PIK3C2B: variants seen among roughly 807,000 people sequenced by gnomAD.
PIK3C2B encodes phosphatidylinositol 4-phosphate 3-kinase C2 domain-containing subunit beta.
Under a neutral mutation model 184.3 loss-of-function variants are expected in PIK3C2B, and 83 were observed. The observed-to-expected ratio is 0.45, with a 90% CI of 0.38 to 0.54. The LOEUF is 0.54. PIK3C2B is among the 20% of genes least tolerant of loss of function. PIK3C2B has a pLI of 0.00. For synonymous variants in PIK3C2B, 779 were observed against 837.6 expected (o/e 0.93, Z 1.21); for missense variants, 1,736 against 2,113.5 (o/e 0.82, Z 3.50).
chr1:204,468,321 A>G (rs575544941), intron 2 of PIK3C2B, among the ~76,000 whole-genome samples: 5 of 152,232 alleles, frequency 3.3e-5, no homozygotes, highest in Non-Finnish European at 7.3e-5. Flanking sequence ...GAGAGAGGCC[A>G]GGGCTGAATG....
chr1:204,459,687 C>T (rs1192841549), intron 8 of PIK3C2B, among the ~76,000 whole-genome samples, 191 bp downstream of exon 8: 1 of 152,172 alleles, frequency 6.6e-6, no homozygotes, highest in African/African-American at 2.4e-5. Context: ...TCCCTGACTA[C>T]GCACTTGCCG....
Position 204,432,278 on chromosome 1 carries a change from G to A in PIK3C2B, c.4077C>T (p.His1359=), listed in dbSNP as rs2103470038. The change falls in exon 27 of 33, where the codon CAC becomes CAT. Residue 1359 remains histidine, a synonymous_variant. Transcript: ENST00000684373. ...TGATTCGGCCAGAGCTCTTGAGAGT[G>A]TGTGTTCGGGAGGCAAAGGAGAGGG... ...RLTLSFASRT[H]TLKSSGRISD... The A allele has an allele frequency of 1.9e-6, 3 of 1,614,182 alleles. No individual in the cohort carries two copies. The highest frequency in any genetic ancestry group is 2.2e-5 in the East Asian group (1 of 44,884).
chr1:204,448,689 A>C (rs554547563), intron 14 of PIK3C2B, among the ~76,000 whole-genome samples: 1 of 151,574 alleles, frequency 6.6e-6, no homozygotes, highest in Non-Finnish European at 1.5e-5. Context: ...GTCAACATTC[A>C]TACTCCATAC....
intron 1 of PIK3C2B, among the ~76,000 whole-genome samples, chr1:204,487,414 C>A (rs543941010): frequency 1.3e-5 from 2 of 152,164 alleles, no homozygotes; most frequent in Non-Finnish European, 2.9e-5. Flanking sequence ...GCATGGATTA[C>A]CTCGTATTTA....
In PIK3C2B at chr1:204,424,930, G is replaced by T; in HGVS notation, c.4827C>A (p.Ile1609=). The stretch of plus-strand genomic sequence containing the variant: ...GAGCCAGGTCCAGCTCTCGCAGGCG[G>T]ATGTTCACCTCACCGAGGAGGACGT... ...WENVLLGEVN[I]RLRELDLAQE... is the part of the protein sequence containing the mutation. Residue 1609 remains isoleucine (I), a synonymous_variant, in exon 33 of 33, where the codon ATC becomes ATA. Transcript: ENST00000684373. 1 of 1,614,218 alleles carries T rather than the reference G, an allele frequency of 6.2e-7. No individual in the cohort carries two copies. Among genetic ancestry groups the T allele is most frequent in the Non-Finnish European group, 8.5e-7 (1 of 1,180,028 alleles).
At chr1:204,430,877 C>A (rs1421322075) in intron 28 of PIK3C2B, among the ~76,000 whole-genome samples, 1 of 152,008 alleles carries the variant, frequency 6.6e-6, no homozygotes, top group Non-Finnish European at 1.5e-5. Context: ...TGCTCTCGAA[C>A]TCCTGACCTC....
rs2999494 is a variant in PIK3C2B at position 204,447,896 on chromosome 1, G to A, written c.2347-318C>T. ...CAGAGGTGTCACCCAGCTGAAACAC[G>A]GGGTGCATCCAGGCTGAGTCCGGGG... On this transcript the variant is annotated intron_variant, in intron 14 of 32. Coordinates refer to ENST00000684373, the MANE Select transcript of PIK3C2B (RefSeq NM_001377334.1). The surrounding 1 kb of genome is among the most constrained non-coding windows in gnomAD (Gnocchi z 4.1). Among the ~76,000 whole-genome samples the A allele has an allele frequency of 0.67, 102,147 of 151,946 alleles. 36,494 individuals carry two copies. Among genetic ancestry groups the A allele is most frequent in the Non-Finnish European group, 0.81 (54,745 of 67,964 alleles).
chr1:204,433,558 G>T lies in PIK3C2B; in HGVS notation c.3844-133C>A. On this transcript the variant is annotated intron_variant, in intron 25 of 32. Coordinates refer to ENST00000684373, the MANE Select transcript of PIK3C2B (RefSeq NM_001377334.1). The surrounding 1 kb of genome is among the most constrained non-coding windows in gnomAD (Gnocchi z 5.0). ...TAGAGGGTGGTAGACAGATGCTGTG[G>T]GCAGTGGCTGGAGGGCCACAGGAAC... 1 of 714,954 alleles carries T rather than the reference G, an allele frequency of 1.4e-6. No homozygotes were observed. Among genetic ancestry groups the T allele is most frequent in the Non-Finnish European group, 2.4e-6 (1 of 418,230 alleles). 44.3% of individuals were successfully genotyped at this position (714,954 alleles called of 1,614,324 possible).
rs200793485 is a variant in PIK3C2B at position 204,459,093 on chromosome 1, C to G, written c.1566+785G>C. Among the ~76,000 whole-genome samples the G allele has an allele frequency of 9.3e-4, 4 of 4,314 alleles. No homozygotes were observed. The Non-Finnish European group carries it at 0.015, about 16-fold the overall frequency. The allele number at this position is 4,314 out of a possible 152,430, so 2.8% of individuals were successfully genotyped here. A position where few individuals can be genotyped will look rare whatever the true frequency, so the allele number is the denominator to read the frequency against. The stretch of plus-strand genomic sequence containing the variant: ...GCAATGGTGTGATCATAGCTCACTA[C>G]ACAGCCCCAAACTCCTGGGCTCAAG... On this transcript the variant is annotated intron_variant, in intron 8 of 32. Transcript: ENST00000684373.
chr1:204,460,749 A>C (rs1469406516), intron 5 of PIK3C2B, 88 bp from the exon 6 acceptor site: 5 of 849,920 alleles, frequency 5.9e-6, no homozygotes, highest in Admixed American at 5.7e-5. Context: ...AGAGACATAC[A>C]GAAAGAAGGT....
intron 1 of PIK3C2B, among the ~76,000 whole-genome samples, chr1:204,477,181 G>C (rs921187965): frequency 6.6e-6 from 1 of 152,106 alleles, no homozygotes; most frequent in Admixed American, 6.5e-5. Context: ...TTGAGTGACC[G>C]CAATTGTCAT....
intron 1 of PIK3C2B, among the ~76,000 whole-genome samples, chr1:204,474,474 C>T (rs1298092650): frequency 1.1e-4 from 16 of 152,226 alleles, no homozygotes; most frequent in South Asian, 2.1e-4. Flanking sequence ...TGCCCATTTC[C>T]GTAGCCATTT....
At chr1:204,463,110 C>G (rs1456145866) in intron 5 of PIK3C2B, among the ~76,000 whole-genome samples, 1 of 152,098 alleles carries the variant, frequency 6.6e-6, no homozygotes, top group Non-Finnish European at 1.5e-5. Flanking sequence ...ACTGCCAAAT[C>G]TTATGCTCTA....
Position 204,431,716 on chromosome 1 carries a change from T to C in PIK3C2B, c.4233A>G (p.Glu1411=), listed in dbSNP as rs112275388. 820 of 1,614,204 alleles carry C rather than the reference T, an allele frequency of 5.1e-4. 7 individuals are homozygous for C. In the African/African-American group the frequency reaches 8.8e-3, roughly 17 times the overall value. ...YIQRTFEEFQ[E]LHNKLRLLFP... is the part of the protein sequence containing the mutation. ...AGAGCAGCCGCAACTTATTGTGTAATTCCTGGAACTCCTCAAAGGTCCGCT... is the reference window on the plus strand; with the variant it reads ...AGAGCAGCCGCAACTTATTGTGTAACTCCTGGAACTCCTCAAAGGTCCGCT... Residue 1411 remains glutamate, a synonymous_variant, in exon 28 of 33, where the codon GAA becomes GAG. Coordinates refer to ENST00000684373, the MANE Select transcript of PIK3C2B (RefSeq NM_001377334.1).
intron 32 of PIK3C2B, among the ~76,000 whole-genome samples, chr1:204,425,358 C>A (rs923468484): frequency 1.3e-5 from 2 of 152,102 alleles, no homozygotes; most frequent in African/African-American, 4.8e-5. Context: ...AAATCCCAGC[C>A]CAAAAGGGCT....
rs1242462898 is a variant in PIK3C2B at position 204,443,427 on chromosome 1, G to A, written c.3038C>T (p.Ser1013Phe). Reference protein sequence around the residue: ...LAQQVREAAPSARQGILRTGL... With the variant: ...LAQQVREAAPFARQGILRTGL... ...CCTCACCCCACTAACCTGCCTTGCAGATGGGGCTGCCTCCCGGACCTGCTG... is the reference window on the plus strand; with the variant it reads ...CCTCACCCCACTAACCTGCCTTGCAAATGGGGCTGCCTCCCGGACCTGCTG... The change falls in exon 19 of 33, where the codon TCT becomes TTT. Residue 1013 changes from serine to phenylalanine, a missense_variant. Ser to Phe is a radical substitution (Grantham distance 155, BLOSUM62 -2). Transcript: ENST00000684373. The A allele has an allele frequency of 4.3e-6, 7 of 1,613,890 alleles. No homozygotes were observed. Among genetic ancestry groups the A allele is most frequent in the Non-Finnish European group, 5.9e-6 (7 of 1,179,956 alleles).
chr1:204,457,276 G>A (rs951391882), intron 9 of PIK3C2B, among the ~76,000 whole-genome samples: 2 of 152,154 alleles, frequency 1.3e-5, no homozygotes, highest in African/African-American at 4.8e-5. Context: ...AGCAATCATC[G>A]GGTCCACCCT....
chr1:204,454,849 C>T (rs549769483), intron 11 of PIK3C2B, 58 bp from the exon 12 acceptor site: 234 of 1,564,444 alleles, frequency 1.5e-4, no homozygotes, highest in Non-Finnish European at 2.0e-4. Context: ...TCACCCAAAC[C>T]TATGCGTCCC....
intron 12 of PIK3C2B, among the ~76,000 whole-genome samples, chr1:204,452,221 T>G (rs993245179): frequency 2.0e-5 from 3 of 151,334 alleles, no homozygotes; most frequent in Non-Finnish European, 4.4e-5. Context: ...CCTCTGATAC[T>G]GTATGAGTAA....
Sources: gnomAD v4.1 joint callset for allele counts (sites outside exome capture counted in the v4.1 genomes callset) on GRCh38, gnomAD v4.1.1 for gene constraint, Gnocchi (gnomAD v3.1) non-coding constraint, MANE v1.5 for transcripts, NCBI Gene and HGNC (gene_info 2026-07-23, HGNC 2026-07-21) for gene names.